Variants in RALGAPA2 observed in about 807,000 individuals in gnomAD.
RALGAPA2 encodes the protein Ral GTPase activating protein catalytic subunit alpha 2.
RALGAPA2 carries 139 observed loss-of-function variants against 230.4 expected under a neutral mutation model. The ratio of observed to expected loss-of-function variants is 0.60; its 90% CI spans 0.53 to 0.69. RALGAPA2 has a LOEUF of 0.69. RALGAPA2 is among the 30% of genes least tolerant of loss of function. The pLI is 0.00. For synonymous variants in RALGAPA2, 847 were observed against 837.8 expected, an observed-to-expected ratio of 1.01 and a Z score of -0.19; for missense variants, 2,163 against 2,276.0, an observed-to-expected ratio of 0.95 and a Z score of 1.01.
chr20:20,490,429 A>G (rs1168557296), intron 36 of RALGAPA2, among the ~76,000 whole-genome samples: 1 of 152,206 alleles, frequency 6.6e-6, no homozygotes, highest in Non-Finnish European at 1.5e-5. Flanking sequence ...ATTTTAGTAC[A>G]TTCTGGTTGT....
chr20:20,511,481 CCTT>C (rs1489475312), intron 32 of RALGAPA2, among the ~76,000 whole-genome samples, 156 bp from the exon 33 acceptor site: 5 of 152,232 alleles, frequency 3.3e-5, no homozygotes, highest in Non-Finnish European at 7.3e-5. Flanking sequence ...ACTCCATCCT[CCTT>C]AAGACATGCA....
chr20:20,505,305 C>T (rs2062499470), intron 34 of RALGAPA2, 106 bp downstream of exon 34: 1 of 1,293,730 alleles, frequency 7.7e-7, no homozygotes, highest in Non-Finnish European at 1.0e-6. Flanking sequence ...TCTATCTATG[C>T]TATATTTGAA....
intron 4 of RALGAPA2, among the ~76,000 whole-genome samples, chr20:20,652,483 A>C (rs1203357766): frequency 5.3e-5 from 8 of 152,210 alleles, no homozygotes; most frequent in Admixed American, 5.2e-4. Context: ...TATACAATAC[A>C]AGAATGGTGA....
Position 20,620,647 on chromosome 20 carries a change from A to G in RALGAPA2, c.1234-17T>C, listed in dbSNP as rs368123893. 6.3e-7 allele frequency: 1 copy of G among 1,594,244 alleles called. No individual in the cohort carries two copies. ...CAAAAATGCCTGAAAGGAAAAGAGA[A>G]AACTCCCTTTAACTACAAACACACT... On this transcript the variant is annotated splice_polypyrimidine_tract_variant and intron_variant, in intron 10 of 39. Transcript: ENST00000202677.
intron 38 of RALGAPA2, among the ~76,000 whole-genome samples, chr20:20,406,532 G>A (rs2059950131): frequency 6.6e-6 from 1 of 152,212 alleles, no homozygotes; most frequent in Non-Finnish European, 1.5e-5. Flanking sequence ...CAACACTTTG[G>A]CCAGCTACAG....
chr20:20,598,151 T>G (rs1263760545), intron 16 of RALGAPA2, among the ~76,000 whole-genome samples: 1 of 152,222 alleles, frequency 6.6e-6, no homozygotes, highest in Non-Finnish European at 1.5e-5. Flanking sequence ...TTCTTTGTTT[T>G]GGAAATTACT....
At chr20:20,515,987 T>C (rs1377962285) in intron 31 of RALGAPA2, among the ~76,000 whole-genome samples, 3 of 152,160 alleles carry the variant, frequency 2.0e-5, no homozygotes, top group Non-Finnish European at 2.9e-5. Context: ...GATCTAAACC[T>C]GGTGCTGCTA....
At chr20:20,480,106 T>C (rs1198356111) in intron 36 of RALGAPA2, among the ~76,000 whole-genome samples, 1 of 152,244 alleles carries the variant, frequency 6.6e-6, no homozygotes, top group Admixed American at 6.5e-5. Flanking sequence ...ATGATAGATG[T>C]GTTCTTGGAC....
At chr20:20,522,822 T>G (rs2063085012) in intron 30 of RALGAPA2, among the ~76,000 whole-genome samples, 1 of 152,232 alleles carries the variant, frequency 6.6e-6, no homozygotes, top group Admixed American at 6.5e-5. Context: ...TTAAGAGAAA[T>G]CTTTAAGAAA....
intron 16 of RALGAPA2, among the ~76,000 whole-genome samples, chr20:20,596,061 C>T (rs1322049671): frequency 1.3e-5 from 2 of 152,106 alleles, no homozygotes; most frequent in African/African-American, 4.8e-5. Flanking sequence ...CAAAAAGTGC[C>T]AGTCCTACCT....
At chr20:20,709,569 G>C (rs1005587599) in intron 1 of RALGAPA2, among the ~76,000 whole-genome samples, 4 of 152,094 alleles carry the variant, frequency 2.6e-5, no homozygotes, top group African/African-American at 9.7e-5. Flanking sequence ...CAACAGTGTA[G>C]GAAGAACTGG....
At chr20:20,653,195 CAAAAAAAAAAAAAAAA>C (rs60906434) in intron 4 of RALGAPA2, among the ~76,000 whole-genome samples, 14 of 27,514 alleles carry the variant, frequency 5.1e-4, no homozygotes, top group Non-Finnish European at 2.3e-4. Context: ...GACTCCATCT[CAAAAAAAAAAAAAAAA>C]AAAAAAAAAA....
chr20:20,450,241 T>G (rs1445806190), intron 37 of RALGAPA2, among the ~76,000 whole-genome samples: 4 of 152,226 alleles, frequency 2.6e-5, no homozygotes, highest in South Asian at 4.1e-4. Flanking sequence ...TATTTTGGGA[T>G]GGACTCTAAG....
intron 5 of RALGAPA2, among the ~76,000 whole-genome samples, chr20:20,641,348 C>T (rs1568690335): frequency 6.6e-6 from 1 of 152,176 alleles, no homozygotes; most frequent in Non-Finnish European, 1.5e-5. Flanking sequence ...AAAACAATGA[C>T]AAAGATAATC....
At chr20:20,611,656 C>A (rs2065979249) in intron 13 of RALGAPA2, among the ~76,000 whole-genome samples, 1 of 152,156 alleles carries the variant, frequency 6.6e-6, no homozygotes, top group African/African-American at 2.4e-5. Context: ...CACAAACAGG[C>A]AGGATAAAAC....
intron 38 of RALGAPA2, among the ~76,000 whole-genome samples, chr20:20,396,975 CGCATGCAGACCTTGTCAGGATCTAT>C (rs1401792792): frequency 2.6e-5 from 4 of 152,176 alleles, no homozygotes; most frequent in African/African-American, 7.2e-5. Flanking sequence ...CCAGGATCTA[CGCATGCAGACCTTGTCAGGATCTAT>C]GCATGCAGAC....
At chr20:20,535,700 G>A in intron 26 of RALGAPA2, 45 bp downstream of exon 26, 1 of 1,530,000 alleles carries the variant, frequency 6.5e-7, no homozygotes, top group Non-Finnish European at 8.8e-7. Flanking sequence ...ACATAAATGT[G>A]TATCTTAAAA....
chr20:20,494,921 G>T (rs890269158), intron 36 of RALGAPA2, among the ~76,000 whole-genome samples, 196 bp downstream of exon 36: 14 of 152,100 alleles, frequency 9.2e-5, no homozygotes, highest in African/African-American at 2.9e-4. Flanking sequence ...ACAATTTTGT[G>T]CTCATGATGA....
At chr20:20,609,301 T>C (rs2065910487) in intron 14 of RALGAPA2, among the ~76,000 whole-genome samples, 1 of 152,144 alleles carries the variant, frequency 6.6e-6, no homozygotes, top group South Asian at 2.1e-4. Context: ...GCCCAGCCTT[T>C]TGGTTAGTTC....
Sources: allele counts gnomAD v4.1 joint callset (sites outside exome capture counted in the v4.1 genomes callset), GRCh38; gene constraint gnomAD v4.1.1; transcripts MANE v1.5; gene names NCBI Gene and HGNC (gene_info 2026-07-23, HGNC 2026-07-21).